Variants in CFAP44 observed in about 807,000 individuals in gnomAD.
CFAP44 encodes the protein cilia and flagella associated protein 44.
In CFAP44, 134 loss-of-function variants were observed where a neutral mutation model predicts 216.2. That is an observed-to-expected ratio of 0.62 (90% CI 0.54 to 0.72). The LOEUF (loss-of-function observed/expected upper bound fraction) is 0.72, where lower values mean the gene tolerates loss of function less well. Among genes scored for constraint, CFAP44 ranks in the 30% least tolerant of loss-of-function variants. The pLI is 0.00. For synonymous variants in CFAP44, 700 were observed against 727.6 expected, an observed-to-expected ratio of 0.96 and a Z score of 0.61; for missense variants, 2,035 against 2,182.1, an observed-to-expected ratio of 0.93 and a Z score of 1.34.
Position 113,287,041 on chromosome 3 carries a change from C to T in CFAP44, c.*4516G>A, listed in dbSNP as rs772922229. Reference sequence around the variant, plus strand: ...CTGGAGAGACATAAGGAGTCCTACCCGTTGAGGTTGGAGAGGGAAAATAAA... The same window carrying T: ...CTGGAGAGACATAAGGAGTCCTACCTGTTGAGGTTGGAGAGGGAAAATAAA... On this transcript the variant is annotated 3_prime_UTR_variant, in exon 35 of 35. Coordinates refer to ENST00000393845, the MANE Select transcript of CFAP44 (RefSeq NM_001164496.2). 7.8e-6 allele frequency: 6 copies of T among 765,532 alleles called. No individual in the cohort carries two copies. Among genetic ancestry groups the T allele is most frequent in the South Asian group, 1.5e-5 (1 of 68,756 alleles). The allele number at this position is 765,532 out of a possible 1,614,324, so 47.4% of individuals were successfully genotyped here.
chr3:113,330,787 T>C, intron 25 of CFAP44, 119 bp from the exon 26 acceptor site: 1 of 1,325,152 alleles, frequency 7.5e-7, no homozygotes, highest in African/African-American at 1.5e-5. Context: ...TAAAAATTCA[T>C]CTGATCATAC....
At position 113,341,902 on chromosome 3, in the gene CFAP44, T is replaced by C. The variant is rs1242806465; in HGVS notation, c.3279A>G (p.Ile1093Met). 1.3e-6 allele frequency: 2 copies of C among 1,529,864 alleles called. No individual in the cohort carries two copies. The highest frequency in any genetic ancestry group is 1.4e-5 in the African/African-American group (1 of 72,572). The allele number at this position is 1,529,864 out of a possible 1,614,324, so 94.8% of individuals were successfully genotyped here. ...CTTTTTCTATTATTGATTCTTCTTGTATGGTAACACTCCCACCTACATAGA... is the reference window on the plus strand; with the variant it reads ...CTTTTTCTATTATTGATTCTTCTTGCATGGTAACACTCCCACCTACATAGA... ...SQRDAGGSVT[I>M]QEESIIEKGK... Residue 1093 changes from isoleucine (I) to methionine (M), a missense_variant, in exon 24 of 35, where the codon ATA (isoleucine) becomes ATG (methionine). This residue lies in a region of CFAP44 where 1,883 missense variants were observed against 2,023.7 expected (regional missense o/e 0.93). Transcript: ENST00000393845.
intron 1 of CFAP44, among the ~76,000 whole-genome samples, chr3:113,437,034 C>G (rs758668309): frequency 1.3e-5 from 2 of 152,180 alleles, no homozygotes; most frequent in Admixed American, 6.5e-5. Context: ...TACTTCTGGG[C>G]TCATTCAAGC....
intron 26 of CFAP44, among the ~76,000 whole-genome samples, chr3:113,328,809 A>T (rs1950216459): frequency 6.6e-6 from 1 of 150,696 alleles, no homozygotes; most frequent in African/African-American, 2.4e-5. Flanking sequence ...AAGCTTGTTT[A>T]ACAAACTTGA....
chr3:113,341,859 T>C lies in CFAP44; in HGVS notation c.3322A>G (p.Lys1108Glu). ...TCCACGATGATTTCACTTAGGGTTT[T>C]AGGCCGAAATTTCTTCCCTTTTTCT... ...IIEKGKKFRP[K>E]TLSEIIVENQ... The change falls in exon 24 of 35, where the codon AAA (lysine) becomes GAA (glutamate). Residue 1108 changes from lysine to glutamate, a missense_variant. Coordinates refer to ENST00000393845, the MANE Select transcript of CFAP44 (RefSeq NM_001164496.2). The C allele has an allele frequency of 6.5e-7, 1 of 1,532,864 alleles. No homozygotes were observed. Among genetic ancestry groups the C allele is most frequent in the Non-Finnish European group, 8.7e-7 (1 of 1,146,066 alleles). 95.0% of individuals were successfully genotyped at this position (1,532,864 alleles called of 1,614,324 possible). A position where few individuals can be genotyped will look rare whatever the true frequency, so the allele number is the denominator to read the frequency against.
At position 113,287,039 on chromosome 3, in the gene CFAP44, C is replaced by A; in HGVS notation, c.*4518G>T. 2 of 776,330 alleles carry A rather than the reference C, an allele frequency of 2.6e-6. No homozygotes were observed. Among genetic ancestry groups the A allele is most frequent in the Non-Finnish European group, 4.2e-6 (2 of 473,788 alleles). The allele number at this position is 776,330 out of a possible 1,614,324, so 48.1% of individuals were successfully genotyped here. On this transcript the variant is annotated 3_prime_UTR_variant, in exon 35 of 35. Transcript: ENST00000393845. ...TTCTGGAGAGACATAAGGAGTCCTA[C>A]CCGTTGAGGTTGGAGAGGGAAAATA... is the stretch of plus-strand genomic sequence containing the variant.
At chr3:113,406,845 G>T in intron 8 of CFAP44, 82 bp downstream of exon 8, 3 of 875,558 alleles carry the variant, frequency 3.4e-6, no homozygotes, top group Non-Finnish European at 3.6e-6. Context: ...GGCAGAGCTT[G>T]TTAGAATTTT....
intron 22 of CFAP44, among the ~76,000 whole-genome samples, chr3:113,344,945 C>A (rs938739358): frequency 6.6e-6 from 1 of 151,472 alleles, no homozygotes; most frequent in South Asian, 2.1e-4. Context: ...TTATTAATCA[C>A]TATAATACCA....
chr3:113,429,355 T>A lies in CFAP44; in HGVS notation c.101-2016A>T, dbSNP rs1486176549. On this transcript the variant is annotated intron_variant, in intron 2 of 34. Coordinates refer to ENST00000393845, the MANE Select transcript of CFAP44 (RefSeq NM_001164496.2). ...TAATTGATCCTTTTATCTTTATGAATAAATTGATCCTTTTACCCTTATGTC... is the reference window on the plus strand; with the variant it reads ...TAATTGATCCTTTTATCTTTATGAAAAAATTGATCCTTTTACCCTTATGTC... Among the ~76,000 whole-genome samples, 4 of 152,156 alleles carry A rather than the reference T, an allele frequency of 2.6e-5. No individual in the cohort carries two copies. The East Asian group carries it at 7.7e-4, about 29-fold the overall frequency.
At position 113,333,386 on chromosome 3, in the gene CFAP44, T is replaced by A; in HGVS notation, c.3615+20A>T. ...ACCCAGGGTGCCTTCTCCATTGTCA[T>A]AAAATCTGTAGATAAGTACCAAAGA... is the stretch of plus-strand genomic sequence containing the variant. On this transcript the variant is annotated intron_variant, in intron 25 of 34. Transcript: ENST00000393845. 1 of 1,532,232 alleles carries A rather than the reference T, an allele frequency of 6.5e-7. No homozygotes were observed. The highest frequency in any genetic ancestry group is 8.7e-7 in the Non-Finnish European group (1 of 1,145,560). 94.9% of individuals were successfully genotyped at this position (1,532,232 alleles called of 1,614,324 possible).
intron 32 of CFAP44, among the ~76,000 whole-genome samples, chr3:113,302,457 T>TAAAA (rs60866565): frequency 0.17 from 12,482 of 75,198 alleles, 1,011 homozygotes; most frequent in Non-Finnish European, 0.22. Context: ...CTAGACAAAG[T>TAAAA]AAAAAAAAAA....
intron 3 of CFAP44, chr3:113,426,931 T>C: frequency 2.4e-6 from 1 of 416,392 alleles, no homozygotes; most frequent in Non-Finnish European, 4.2e-6. Context: ...CACTAATCTG[T>C]AGTGGAGCAG....
At chr3:113,395,662 AAATTC>A in intron 15 of CFAP44, 83 bp downstream of exon 15, 1 of 1,227,842 alleles carries the variant, frequency 8.1e-7, no homozygotes, top group Non-Finnish European at 1.1e-6. Context: ...AGTGGGCTAA[AAATTC>A]CACCTGCTAT....
At chr3:113,295,597 T>C (rs1949872455) in intron 33 of CFAP44, among the ~76,000 whole-genome samples, 2 of 152,142 alleles carry the variant, frequency 1.3e-5, no homozygotes, top group South Asian at 4.1e-4. Context: ...CATCTGCTAA[T>C]GAGATAAGAC....
At chr3:113,325,991 A>T (rs529557368) in intron 28 of CFAP44, among the ~76,000 whole-genome samples, 1 of 152,356 alleles carries the variant, frequency 6.6e-6, no homozygotes, top group South Asian at 2.1e-4. Flanking sequence ...GTAAATGAAA[A>T]GGCAAGCTAC....
intron 15 of CFAP44, among the ~76,000 whole-genome samples, chr3:113,383,306 G>C (rs75387315): frequency 0.025 from 3,805 of 152,264 alleles, 58 homozygotes; most frequent in East Asian, 0.052. Context: ...GGCAGATCCA[G>C]TATCTGATAA....
intron 22 of CFAP44, among the ~76,000 whole-genome samples, chr3:113,354,556 C>T (rs925687834): frequency 6.6e-6 from 1 of 152,144 alleles, no homozygotes; most frequent in African/African-American, 2.4e-5. Context: ...TCAGCAGAGG[C>T]AGCCATAATC....
chr3:113,404,174 AC>A, intron 8 of CFAP44, 158 bp from the exon 9 acceptor site: 1 of 791,538 alleles, frequency 1.3e-6, no homozygotes, highest in South Asian at 2.2e-5. Flanking sequence ...AAGACCTACT[AC>A]CCCAGACACA....
In CFAP44 at chr3:113,327,653, C is replaced by T. The variant is rs1018690756; in HGVS notation, c.4283G>A (p.Arg1428His). Residue 1428 changes from arginine to histidine, a missense_variant, in exon 27 of 35, where the codon CGT becomes CAT. Arg to His is a conservative substitution (Grantham distance 29, BLOSUM62 0). Coordinates refer to ENST00000393845, the MANE Select transcript of CFAP44 (RefSeq NM_001164496.2). ...FEKQENILQE[R>H]VNSLDKEEQY... ...TTCCTCTTTGTCTAAGGAATTAACA[C>T]GTTCTTGAAGTATGTTCTCCTGTTT... 1.6e-5 allele frequency: 25 copies of T among 1,536,808 alleles called. No individual in the cohort carries two copies. Among genetic ancestry groups the T allele is most frequent in the East Asian group, 2.4e-5 (1 of 40,894 alleles).
Sources: gnomAD v4.1 joint callset for allele counts (sites outside exome capture counted in the v4.1 genomes callset) on GRCh38, gnomAD v4.1.1 for gene constraint, gnomAD v4.1.1 regional missense constraint, MANE v1.5 for transcripts, NCBI Gene and HGNC (gene_info 2026-07-23, HGNC 2026-07-21) for gene names.